CADPS: variants seen among roughly 807,000 people sequenced by gnomAD.
The protein encoded by CADPS is calcium-dependent secretion activator 1.
In CADPS, 57 loss-of-function variants were observed where a neutral mutation model predicts 167.3. The ratio of observed to expected loss-of-function variants is 0.34; its 90% CI spans 0.28 to 0.42. The LOEUF (loss-of-function observed/expected upper bound fraction) is 0.42. Among genes scored for constraint, CADPS ranks in the 20% least tolerant of loss-of-function variants. CADPS has a pLI of 1.00. For synonymous variants in CADPS, 676 were observed against 635.3 expected (o/e 1.06, Z -0.96); for missense variants, 1,414 against 1,738.1 (o/e 0.81, Z 3.32).
At chr3:62,594,049 A>T (rs2086680745) in intron 6 of CADPS, among the ~76,000 whole-genome samples, 1 of 152,184 alleles carries the variant, frequency 6.6e-6, no homozygotes, top group African/African-American at 2.4e-5. Flanking sequence ...CATAGATACA[A>T]TTTCATTTAG....
intron 1 of CADPS, among the ~76,000 whole-genome samples, chr3:62,811,204 AC>A (rs929321831): frequency 3.9e-5 from 6 of 152,276 alleles, no homozygotes; most frequent in African/African-American, 1.4e-4. Flanking sequence ...TTAATATTTA[AC>A]TAAGAGAGTA....
chr3:62,567,777 G>T (rs2080533431), intron 9 of CADPS, among the ~76,000 whole-genome samples: 2 of 151,798 alleles, frequency 1.3e-5, no homozygotes, highest in African/African-American at 4.8e-5. Flanking sequence ...TTTTCACCAT[G>T]TTGCCCAGGC....
intron 2 of CADPS, among the ~76,000 whole-genome samples, chr3:62,757,512 G>A (rs1226360455): frequency 6.6e-6 from 1 of 152,122 alleles, no homozygotes; most frequent in South Asian, 2.1e-4. Flanking sequence ...CCTCTAGCAG[G>A]AAAAATATGG....
At chr3:62,635,704 G>T (rs573987501) in intron 6 of CADPS, among the ~76,000 whole-genome samples, 5 of 148,608 alleles carry the variant, frequency 3.4e-5, no homozygotes, top group African/African-American at 1.2e-4. Flanking sequence ...TGTTCTTTTA[G>T]GTATGGAGCC....
intron 28 of CADPS, among the ~76,000 whole-genome samples, chr3:62,405,415 T>C (rs1708075834): frequency 6.6e-6 from 1 of 151,414 alleles, no homozygotes; most frequent in Non-Finnish European, 1.5e-5. Flanking sequence ...AACATGCCTT[T>C]TTCTCTTTGC....
At chr3:62,726,084 T>C (rs1367914365) in intron 3 of CADPS, among the ~76,000 whole-genome samples, 1 of 151,302 alleles carries the variant, frequency 6.6e-6, no homozygotes, top group Non-Finnish European at 1.5e-5. Context: ...AGGCAGAGCA[T>C]AGAAGGAAAA....
intron 28 of CADPS, among the ~76,000 whole-genome samples, chr3:62,408,230 G>T (rs571264087): frequency 6.6e-6 from 1 of 152,318 alleles, no homozygotes; most frequent in South Asian, 2.1e-4. Context: ...GCCAGGATTA[G>T]GGTGAGGGAG....
At chr3:62,669,119 G>A (rs1282295455) in intron 3 of CADPS, among the ~76,000 whole-genome samples, 1 of 152,200 alleles carries the variant, frequency 6.6e-6, no homozygotes, top group African/African-American at 2.4e-5. Flanking sequence ...TGCAGTGCAA[G>A]CCACCTGCTG....
chr3:62,565,065 A>G (rs891534181), intron 9 of CADPS, among the ~76,000 whole-genome samples: 7 of 152,142 alleles, frequency 4.6e-5, no homozygotes, highest in African/African-American at 7.2e-5. Context: ...GCAGTGCTCT[A>G]TGGAATTGGC....
At chr3:62,718,347 A>C (rs1250768899) in intron 3 of CADPS, among the ~76,000 whole-genome samples, 2 of 152,228 alleles carry the variant, frequency 1.3e-5, no homozygotes, top group Non-Finnish European at 2.9e-5. Context: ...AGAGACCACT[A>C]TGAACCAGGA....
At position 62,529,887 on chromosome 3, in the gene CADPS, A is replaced by G. The variant is rs545277957; in HGVS notation, c.2291+2984T>C. ...CATCAGTTCTAAAACCAAACAAAAA[A>G]CTTTAAAATGTCAGTGTTAATTTTG... On this transcript the variant is annotated intron_variant, in intron 13 of 29. Coordinates refer to ENST00000383710, the MANE Select transcript of CADPS (RefSeq NM_003716.4). 4.6e-5 allele frequency among the ~76,000 whole-genome samples: 7 copies of G among 152,318 alleles called. No individual in the cohort carries two copies. In the South Asian group the frequency reaches 1.5e-3, roughly 32 times the overall value.
chr3:62,562,839 C>T (rs887360395), intron 9 of CADPS, among the ~76,000 whole-genome samples: 1 of 152,214 alleles, frequency 6.6e-6, no homozygotes, highest in African/African-American at 2.4e-5. Context: ...TCCTTGGTTG[C>T]AGTGACTGGT....
At chr3:62,853,225 A>C (rs2078978113) in intron 1 of CADPS, among the ~76,000 whole-genome samples, 1 of 152,216 alleles carries the variant, frequency 6.6e-6, no homozygotes, top group Non-Finnish European at 1.5e-5. Context: ...TCCAGAAAAT[A>C]AAATATAATT....
intron 2 of CADPS, among the ~76,000 whole-genome samples, chr3:62,759,496 G>C (rs2084852380): frequency 6.6e-6 from 1 of 152,138 alleles, no homozygotes; most frequent in Non-Finnish European, 1.5e-5. Flanking sequence ...ATAGGAACAT[G>C]GCTCTGGATT....
intron 6 of CADPS, among the ~76,000 whole-genome samples, chr3:62,605,613 CT>C (rs1316934775): frequency 6.6e-6 from 1 of 152,218 alleles, no homozygotes; most frequent in Non-Finnish European, 1.5e-5. Flanking sequence ...GGCAGCCTAG[CT>C]TCTACATCCA....
chr3:62,542,993 C>T (rs987963281), intron 11 of CADPS, among the ~76,000 whole-genome samples: 1 of 152,130 alleles, frequency 6.6e-6, no homozygotes, highest in African/African-American at 2.4e-5. Context: ...TACTATAACT[C>T]ACTATATGGC....
chr3:62,856,736 T>C (rs1034371968), intron 1 of CADPS, among the ~76,000 whole-genome samples: 2 of 151,960 alleles, frequency 1.3e-5, no homozygotes, highest in Non-Finnish European at 2.9e-5. Flanking sequence ...ATTTGCATTA[T>C]GCATTTAACA....
chr3:62,792,370 A>G (rs2093025830), intron 1 of CADPS, among the ~76,000 whole-genome samples: 1 of 151,804 alleles, frequency 6.6e-6, no homozygotes, highest in Non-Finnish European at 1.5e-5. Context: ...TGCCTGGCTA[A>G]TTTTTAAATT....
At chr3:62,631,545 C>T (rs2065274880) in intron 6 of CADPS, among the ~76,000 whole-genome samples, 1 of 152,156 alleles carries the variant, frequency 6.6e-6, no homozygotes, top group Admixed American at 6.6e-5. Context: ...ATAACTAAGA[C>T]ATTAATTGCC....
Sources: allele counts gnomAD v4.1 joint callset (sites outside exome capture counted in the v4.1 genomes callset), GRCh38; gene constraint gnomAD v4.1.1; transcripts MANE v1.5; gene names NCBI Gene and HGNC (gene_info 2026-07-23, HGNC 2026-07-21).